Variants in TBC1D4 observed in about 807,000 individuals in gnomAD.
The protein encoded by TBC1D4 is TBC1 domain family member 4, also known as TBC (Tre-2, BUB2, CDC16) domain-containing protein.
In TBC1D4, 121 loss-of-function variants were observed where a neutral mutation model predicts 142.5. That is an observed-to-expected ratio of 0.85 (90% CI 0.73 to 0.99). TBC1D4 has a LOEUF of 0.99. Ranked by LOEUF, TBC1D4 falls within the 50% of genes least tolerant of loss-of-function variation. The pLI, the probability that TBC1D4 is intolerant of heterozygous loss-of-function variation, is 0.00. For synonymous variants in TBC1D4, 630 were observed against 628.2 expected (o/e 1.00, Z -0.04); for missense variants, 1,475 against 1,606.6 (o/e 0.92, Z 1.40).
chr13:75,307,611 C>T (rs555593054), intron 14 of TBC1D4, among the ~76,000 whole-genome samples: 1 of 152,270 alleles, frequency 6.6e-6, no homozygotes, highest in South Asian at 2.1e-4. Flanking sequence ...CATCCCAAGT[C>T]CTCGACAGCA....
At chr13:75,394,735 T>C (rs1482656229) in intron 1 of TBC1D4, among the ~76,000 whole-genome samples, 1 of 152,276 alleles carries the variant, frequency 6.6e-6, no homozygotes, top group African/African-American at 2.4e-5. Context: ...CTTCTCAGTA[T>C]AACGTGCAAA....
chr13:75,297,226 A>T (rs1876023077), intron 17 of TBC1D4, among the ~76,000 whole-genome samples: 1 of 152,246 alleles, frequency 6.6e-6, no homozygotes, highest in East Asian at 1.9e-4. Context: ...TGAATGTATA[A>T]ATCCGATTTA....
chr13:75,324,027 T>C lies in TBC1D4; in HGVS notation c.2198+210A>G, dbSNP rs7330796. On this transcript the variant is annotated intron_variant, in intron 11 of 20. Coordinates refer to ENST00000377636, the MANE Select transcript of TBC1D4 (RefSeq NM_014832.5). ...AAAAGCATAATTCAAAAAGATATCA[T>C]ATCATCAAAAAGCTTTGAAACTACT... Among the ~76,000 whole-genome samples, 116,169 of 152,150 alleles carry C rather than the reference T, an allele frequency of 0.76. 46,391 individuals are homozygous for C. The highest frequency in any genetic ancestry group is 0.89 in the Non-Finnish European group (60,377 of 68,010).
At chr13:75,337,596 C>G (rs1454517373) in intron 7 of TBC1D4, among the ~76,000 whole-genome samples, 1 of 152,066 alleles carries the variant, frequency 6.6e-6, no homozygotes, top group Non-Finnish European at 1.5e-5. Context: ...TGTATTTTAT[C>G]CATTGAAGTA....
rs191624148 is a variant in TBC1D4 at position 75,352,523 on chromosome 13, C to A, written c.1276-3221G>T. 9.9e-4 allele frequency among the ~76,000 whole-genome samples: 151 copies of A among 152,152 alleles called. 1 individual carries two copies. Among genetic ancestry groups the A allele is most frequent in the Non-Finnish European group, 1.8e-3 (122 of 68,012 alleles). ...CTCTTTAAACCTATTTTAGAGAAAG[C>A]ACTTTTGAAGAAATAATATTTTCTA... On this transcript the variant is annotated intron_variant, in intron 4 of 20. Transcript: ENST00000377636.
chr13:75,427,311 G>A (rs1478399868), intron 1 of TBC1D4, among the ~76,000 whole-genome samples: 1 of 152,006 alleles, frequency 6.6e-6, no homozygotes, highest in Non-Finnish European at 1.5e-5. Flanking sequence ...TCCTGACCTC[G>A]TGATCCACCC....
intron 18 of TBC1D4, 118 bp from the exon 19 acceptor site, chr13:75,292,389 G>T: frequency 1.2e-6 from 1 of 803,072 alleles, no homozygotes; most frequent in Non-Finnish European, 1.9e-6. Flanking sequence ...GAAGAAAACT[G>T]GTCAAAAGCA....
intron 1 of TBC1D4, among the ~76,000 whole-genome samples, chr13:75,466,950 A>G (rs1157869203): frequency 2.0e-5 from 3 of 152,156 alleles, no homozygotes; most frequent in African/African-American, 7.2e-5. Context: ...TACAGGACAT[A>G]TATATGTCAG....
intron 1 of TBC1D4, among the ~76,000 whole-genome samples, chr13:75,440,270 G>C (rs75661088): frequency 0.019 from 2,838 of 152,236 alleles, 44 homozygotes; most frequent in Middle Eastern, 0.061. Context: ...CTCTTCAAAG[G>C]GGGAGCAGAA....
chr13:75,424,264 C>T lies in TBC1D4; in HGVS notation c.498+57006G>A, dbSNP rs546367750. Among the ~76,000 whole-genome samples the T allele has an allele frequency of 1.6e-3, 183 of 117,480 alleles. 2 individuals are homozygous for T. The highest frequency in any genetic ancestry group is 2.3e-3 in the Non-Finnish European group (136 of 60,164). 77.1% of individuals were successfully genotyped at this position (117,480 alleles called of 152,430 possible). On this transcript the variant is annotated intron_variant, in intron 1 of 20. Coordinates refer to ENST00000377636, the MANE Select transcript of TBC1D4 (RefSeq NM_014832.5). ...TTCCTGCCTAGGTAACAGAGTAAAA[C>T]CCTGTCTTAAAAAAAAAAAAAAAGA...
intron 5 of TBC1D4, among the ~76,000 whole-genome samples, chr13:75,342,801 T>C (rs1880818720): frequency 1.3e-5 from 2 of 151,886 alleles, no homozygotes; most frequent in African/African-American, 2.4e-5. Flanking sequence ...ATTGCTACTA[T>C]ATTTTGATTA....
intron 1 of TBC1D4, among the ~76,000 whole-genome samples, chr13:75,447,727 A>G (rs546210653): frequency 6.6e-6 from 1 of 152,218 alleles, no homozygotes; most frequent in East Asian, 1.9e-4. Context: ...TATCTCTCAC[A>G]TTACTGCCTG....
chr13:75,462,599 C>A (rs542758445), intron 1 of TBC1D4, among the ~76,000 whole-genome samples: 1 of 152,032 alleles, frequency 6.6e-6, no homozygotes, highest in East Asian at 1.9e-4. Flanking sequence ...CCCCTGCCCC[C>A]CATCCCTACA....
At chr13:75,383,702 T>C (rs1176052762) in intron 1 of TBC1D4, among the ~76,000 whole-genome samples, 2 of 148,876 alleles carry the variant, frequency 1.3e-5, no homozygotes, top group Admixed American at 6.7e-5. Context: ...TGTATGTACA[T>C]ATGTACAGGA....
chr13:75,376,575 GT>G (rs921126332), intron 1 of TBC1D4, among the ~76,000 whole-genome samples: 39 of 152,208 alleles, frequency 2.6e-4, no homozygotes, highest in Admixed American at 2.4e-3. Flanking sequence ...ACGAGATGGG[GT>G]TTTGCCTTGT....
intron 1 of TBC1D4, among the ~76,000 whole-genome samples, chr13:75,471,921 A>C (rs1372878494): frequency 1.3e-5 from 2 of 150,562 alleles, no homozygotes; most frequent in Non-Finnish European, 3.0e-5. Context: ...AGCCTGGTCA[A>C]CGTGGTAAAA....
At chr13:75,427,264 T>C (rs922222458) in intron 1 of TBC1D4, among the ~76,000 whole-genome samples, 1 of 152,154 alleles carries the variant, frequency 6.6e-6, no homozygotes, top group Non-Finnish European at 1.5e-5. Context: ...ATTTTTTGTA[T>C]TTTTAGTAGA....
intron 1 of TBC1D4, among the ~76,000 whole-genome samples, chr13:75,410,017 A>G (rs532430080): frequency 6.6e-6 from 1 of 152,336 alleles, no homozygotes; most frequent in Admixed American, 6.5e-5. Context: ...GTTTATCTTA[A>G]CCAAATTTGC....
intron 17 of TBC1D4, among the ~76,000 whole-genome samples, chr13:75,296,748 G>A (rs929152461): frequency 1.4e-4 from 21 of 152,078 alleles, no homozygotes; most frequent in African/African-American, 4.8e-4. Context: ...AACTTCAGAG[G>A]AAAAGATATA....
Sources: allele counts gnomAD v4.1 joint callset (sites outside exome capture counted in the v4.1 genomes callset), GRCh38; gene constraint gnomAD v4.1.1; transcripts MANE v1.5; gene names NCBI Gene and HGNC (gene_info 2026-07-23, HGNC 2026-07-21).